The following UTRN variants were observed in gnomAD, a reference collection of about 807,000 sequenced individuals.
UTRN encodes the protein dystrophin-related protein 1.
UTRN carries 283 observed loss-of-function variants against 463.9 expected under a neutral mutation model. That is an observed-to-expected ratio of 0.61 (90% confidence interval 0.55 to 0.67). The LOEUF (loss-of-function observed/expected upper bound fraction) is 0.67, where lower values mean the gene tolerates loss of function less well. Among genes scored for constraint, UTRN ranks in the 30% least tolerant of loss-of-function variants. The pLI, the probability that UTRN is intolerant of heterozygous loss-of-function variation, is 0.00. For missense variants in UTRN, 3,922 were observed against 4,084.3 expected (o/e 0.96, Z 1.08); for synonymous variants, 1,442 against 1,431.5 (o/e 1.01, Z -0.17).
chr6:144,741,337 A>G (rs1235121302), intron 54 of UTRN, among the ~76,000 whole-genome samples: 2 of 152,214 alleles, frequency 1.3e-5, no homozygotes, highest in Admixed American at 1.3e-4. Context: ...GTGGCAAGAA[A>G]TAAAAGACTT....
At position 144,486,944 on chromosome 6, in the gene UTRN, C is replaced by T. The variant is rs551595369; in HGVS notation, c.3823-604C>T. On this transcript the variant is annotated intron_variant, in intron 28 of 74. Transcript: ENST00000367545. Reference sequence around the variant, plus strand: ...TTTTCCAATCTGTAAACTGGGAATGCTATTTAGCCCATATGGTTAATTAGA... The same window carrying T: ...TTTTCCAATCTGTAAACTGGGAATGTTATTTAGCCCATATGGTTAATTAGA... Among the ~76,000 whole-genome samples, 18 of 152,198 alleles carry T rather than the reference C, an allele frequency of 1.2e-4. 1 individual carries two copies. The South Asian group carries it at 3.7e-3, about 32-fold the overall frequency.
intron 51 of UTRN, among the ~76,000 whole-genome samples, chr6:144,609,885 A>G (rs1047643191): frequency 6.6e-6 from 1 of 152,190 alleles, no homozygotes; most frequent in African/African-American, 2.4e-5. Flanking sequence ...AGACAAAGAA[A>G]AATGGAAACA....
intron 2 of UTRN, among the ~76,000 whole-genome samples, chr6:144,322,851 G>A (rs909841076): frequency 1.3e-5 from 2 of 151,896 alleles, no homozygotes; most frequent in African/African-American, 4.8e-5. Context: ...GCTGAGGCAG[G>A]AGAATGGCGT....
intron 18 of UTRN, 66 bp from the exon 19 acceptor site, chr6:144,453,716 T>G: frequency 6.9e-7 from 1 of 1,439,808 alleles, no homozygotes. Context: ...ACTTAAACAT[T>G]TAAAACAGCA....
chr6:144,523,007 T>C lies in UTRN; in HGVS notation c.5734-9T>C, dbSNP rs1307609927. ...TGGATTTTGTTAATCTATGACAATA[T>C]ATTTTTAGAATATCAAAGACCAACT... is the stretch of plus-strand genomic sequence containing the variant. On this transcript the variant is annotated splice_polypyrimidine_tract_variant and intron_variant, in intron 40 of 74. Transcript: ENST00000367545. The C allele has an allele frequency of 3.8e-6, 6 of 1,574,646 alleles. No homozygotes were observed. Among genetic ancestry groups the C allele is most frequent in the South Asian group, 1.2e-5 (1 of 83,682 alleles).
chr6:144,542,358 G>T (rs1798050688), intron 45 of UTRN, among the ~76,000 whole-genome samples: 2 of 152,100 alleles, frequency 1.3e-5, no homozygotes, highest in Non-Finnish European at 2.9e-5. Flanking sequence ...TGAAATCTTT[G>T]GAAACCAGGA....
chr6:144,835,808 T>C lies in UTRN; in HGVS notation c.9694T>C (p.Tyr3232His), dbSNP rs140068959. ...AGACGAGCACGCCCTCATCCAGCAG[T>C]ATTGCCAAACACTCGGAGGAGAGTC... Reference protein sequence around the residue: ...VEDEHALIQQYCQTLGGESPV... With the variant: ...VEDEHALIQQHCQTLGGESPV... The change falls in exon 70 of 75, where the codon TAT (tyrosine) becomes CAT (histidine). Residue 3232 changes from tyrosine to histidine, a missense_variant. Physicochemically the swap from Tyr to His is moderately conservative, Grantham distance 83. Transcript: ENST00000367545. 46 of 1,614,026 alleles carry C rather than the reference T, an allele frequency of 2.9e-5. No homozygotes were observed. The highest frequency in any genetic ancestry group is 3.9e-5 in the Non-Finnish European group (46 of 1,179,964).
chr6:144,490,549 C>A (rs1216997349), intron 31 of UTRN, among the ~76,000 whole-genome samples: 2 of 152,184 alleles, frequency 1.3e-5, no homozygotes, highest in African/African-American at 4.8e-5. Flanking sequence ...TCATTTAGTT[C>A]TTTCATGGTT....
At chr6:144,721,324 T>C (rs1267467094) in intron 53 of UTRN, among the ~76,000 whole-genome samples, 1 of 152,180 alleles carries the variant, frequency 6.6e-6, no homozygotes, top group Non-Finnish European at 1.5e-5. Context: ...CAGTCCTGCC[T>C]CAGCCTCCTG....
At chr6:144,797,598 G>A (rs768206981) in intron 63 of UTRN, 4 of 417,344 alleles carry the variant, frequency 9.6e-6, no homozygotes, top group Non-Finnish European at 1.7e-5. Flanking sequence ...TGAAGTCTTG[G>A]TATTTTTTTG....
chr6:144,707,178 T>C (rs1198733914), intron 53 of UTRN: 2 of 152,228 alleles, frequency 1.3e-5, no homozygotes, highest in African/African-American at 4.8e-5. Flanking sequence ...CAAAAGATTT[T>C]GTTGGGTAGG....
intron 7 of UTRN, among the ~76,000 whole-genome samples, chr6:144,428,121 T>C (rs1785458696): frequency 1.3e-5 from 2 of 152,108 alleles, no homozygotes; most frequent in South Asian, 4.1e-4. Context: ...GATTAACTTT[T>C]GGATAAGTCA....
At chr6:144,743,174 G>A (rs890968004) in intron 54 of UTRN, among the ~76,000 whole-genome samples, 5 of 152,118 alleles carry the variant, frequency 3.3e-5, no homozygotes, top group Admixed American at 6.6e-5. Context: ...CTCTAGACTG[G>A]CTACTATAAA....
chr6:144,833,257 G>A (rs1390399137), intron 69 of UTRN, among the ~76,000 whole-genome samples: 4 of 152,310 alleles, frequency 2.6e-5, no homozygotes, highest in Admixed American at 2.0e-4. Context: ...TGGACAAAGT[G>A]CTTTGCCTGT....
chr6:144,437,926 G>T (rs1786743234), intron 11 of UTRN, among the ~76,000 whole-genome samples, 180 bp downstream of exon 11: 1 of 152,168 alleles, frequency 6.6e-6, no homozygotes, highest in African/African-American at 2.4e-5. Flanking sequence ...CCCCTTTGAT[G>T]TGTTAGCCAC....
chr6:144,594,233 A>G (rs2128633266), intron 51 of UTRN, among the ~76,000 whole-genome samples: 1 of 152,242 alleles, frequency 6.6e-6, no homozygotes, highest in Admixed American at 6.5e-5. Context: ...GTGCCTTAAC[A>G]TCTATGTAGA....
intron 2 of UTRN, chr6:144,330,695 G>A: frequency 2.4e-6 from 1 of 409,768 alleles, no homozygotes; most frequent in Non-Finnish European, 3.3e-6. Context: ...AGATTTTAAG[G>A]CGACAGGCTC....
At chr6:144,708,053 T>C (rs1785269644) in intron 53 of UTRN, 1 of 161,070 alleles carries the variant, frequency 6.2e-6, no homozygotes, top group African/African-American at 2.9e-5. Context: ...TTTTACAGTA[T>C]TTTTTTGAAA....
intron 2 of UTRN, among the ~76,000 whole-genome samples, chr6:144,351,176 A>C (rs1005016059): frequency 6.6e-6 from 1 of 152,218 alleles, no homozygotes; most frequent in Non-Finnish European, 1.5e-5. Context: ...CTTTAAAGGT[A>C]CATCTTTGTA....
Sources: allele counts gnomAD v4.1 joint callset (sites outside exome capture counted in the v4.1 genomes callset), GRCh38; gene constraint gnomAD v4.1.1; transcripts MANE v1.5; gene names NCBI Gene and HGNC (gene_info 2026-07-23, HGNC 2026-07-21).